Variants in FAM117B observed in about 807,000 individuals in gnomAD.
The protein encoded by FAM117B is family with sequence similarity 117 member B, also known as protein FAM117B.
Under a neutral mutation model 52.8 loss-of-function variants are expected in FAM117B, and 22 were observed. The observed-to-expected ratio is 0.42, with a 90% CI of 0.30 to 0.59. The LOEUF is 0.59. Ranked by LOEUF, FAM117B falls within the 20% of genes least tolerant of loss-of-function variation. FAM117B has a pLI of 0.22. For missense variants in FAM117B, 678 were observed against 802.6 expected, an observed-to-expected ratio of 0.84 and a Z score of 1.88; for synonymous variants, 309 against 324.1, an observed-to-expected ratio of 0.95 and a Z score of 0.50.
At chr2:202,679,374 G>T (rs1690428809) in intron 1 of FAM117B, among the ~76,000 whole-genome samples, 1 of 152,206 alleles carries the variant, frequency 6.6e-6, no homozygotes, top group South Asian at 2.1e-4. Context: ...GCTGGAAAGA[G>T]CTGGACAAAG....
At chr2:202,676,810 G>A (rs1690385373) in intron 1 of FAM117B, among the ~76,000 whole-genome samples, 1 of 152,208 alleles carries the variant, frequency 6.6e-6, no homozygotes, top group Non-Finnish European at 1.5e-5. Context: ...AGAAGCCTTA[G>A]GAGGTTGAAA....
At position 202,724,987 on chromosome 2, in the gene FAM117B, G is replaced by A; in HGVS notation, c.824G>A (p.Gly275Asp). The A allele has an allele frequency of 1.2e-6, 2 of 1,612,698 alleles. No individual in the cohort carries two copies. The highest frequency in any genetic ancestry group is 1.7e-6 in the Non-Finnish European group (2 of 1,179,116). Residue 275 changes from glycine (G) to aspartate (D), a missense_variant, in exon 3 of 8, where the codon GGC becomes GAC. Coordinates refer to ENST00000392238, the MANE Select transcript of FAM117B (RefSeq NM_173511.4). ...TCTCACAAGCGCTCAGCATCTTGGG[G>A]CAGTACAGATCAACTTAAGGAGGTC... ...KGSHKRSASW[G>D]STDQLKEIAK...
chr2:202,702,121 G>A (rs543202105), intron 2 of FAM117B, among the ~76,000 whole-genome samples: 9 of 152,240 alleles, frequency 5.9e-5, no homozygotes, highest in African/African-American at 2.2e-4. Context: ...GCACGGGTGC[G>A]GTGGCTCACA....
intron 1 of FAM117B, among the ~76,000 whole-genome samples, chr2:202,668,685 G>A (rs1289516715): frequency 6.6e-6 from 1 of 151,726 alleles, no homozygotes; most frequent in Non-Finnish European, 1.5e-5. Flanking sequence ...GTGTGGTATA[G>A]GATGGTAGAT....
chr2:202,666,199 G>A (rs1690203121), intron 1 of FAM117B, among the ~76,000 whole-genome samples: 1 of 152,032 alleles, frequency 6.6e-6, no homozygotes, highest in Admixed American at 6.6e-5. Context: ...ATAGTCAAAA[G>A]CAGATTGGGT....
chr2:202,756,724 C>T (rs940444868), intron 5 of FAM117B, among the ~76,000 whole-genome samples: 2 of 152,088 alleles, frequency 1.3e-5, no homozygotes, highest in African/African-American at 2.4e-5. Context: ...AGGCTTTCCT[C>T]TGTGTGTGTA....
At chr2:202,743,482 T>C (rs1691581146) in intron 4 of FAM117B, among the ~76,000 whole-genome samples, 1 of 152,020 alleles carries the variant, frequency 6.6e-6, no homozygotes, top group African/African-American at 2.4e-5. Flanking sequence ...ACAAGAAAAG[T>C]AGAAAAGCAA....
rs1348590503 is a variant in FAM117B at position 202,766,967 on chromosome 2, T to A, written c.*1203T>A. The stretch of plus-strand genomic sequence containing the variant: ...CCTGAGATTTGTTGCCTACAGATTT[T>A]GCTAATTTACCCCCCTAACGCTTCA... On this transcript the variant is annotated 3_prime_UTR_variant, in exon 8 of 8. Coordinates refer to ENST00000392238, the MANE Select transcript of FAM117B (RefSeq NM_173511.4). 1 of 152,586 alleles carries A rather than the reference T, an allele frequency of 6.6e-6. No individual in the cohort carries two copies. Among genetic ancestry groups the A allele is most frequent in the Non-Finnish European group, 1.5e-5 (1 of 68,044 alleles). 9.5% of individuals were successfully genotyped at this position (152,586 alleles called of 1,614,324 possible).
intron 1 of FAM117B, among the ~76,000 whole-genome samples, chr2:202,645,559 G>C (rs1218526694): frequency 1.3e-5 from 2 of 151,714 alleles, no homozygotes; most frequent in Admixed American, 1.3e-4. Flanking sequence ...AAAGTGCTGG[G>C]ATTACAGGCG....
chr2:202,635,911 G>A, intron 1 of FAM117B, 123 bp downstream of exon 1: 1 of 1,083,994 alleles, frequency 9.2e-7, no homozygotes, highest in Non-Finnish European at 1.1e-6. Context: ...GGCGGGGCTG[G>A]GGGCGGTGCC....
At chr2:202,735,708 A>C (rs965229566) in intron 4 of FAM117B, among the ~76,000 whole-genome samples, 1 of 152,228 alleles carries the variant, frequency 6.6e-6, no homozygotes, top group African/African-American at 2.4e-5. Context: ...CAAGAGTGGG[A>C]GATGCCAGCA....
intron 1 of FAM117B, among the ~76,000 whole-genome samples, chr2:202,677,229 G>A (rs368405518): frequency 4.6e-5 from 7 of 151,916 alleles, no homozygotes; most frequent in Admixed American, 1.3e-4. Context: ...CACCATTCCC[G>A]GCTAATTTTT....
intron 1 of FAM117B, among the ~76,000 whole-genome samples, chr2:202,638,740 G>A (rs182013008): frequency 1.1e-3 from 170 of 152,234 alleles, no homozygotes; most frequent in African/African-American, 3.4e-3. Flanking sequence ...AGGCCGAGGC[G>A]GTGGATCACC....
intron 1 of FAM117B, among the ~76,000 whole-genome samples, chr2:202,689,213 G>T (rs1012513237): frequency 6.6e-6 from 1 of 151,834 alleles, no homozygotes; most frequent in Non-Finnish European, 1.5e-5. Context: ...GCTTGAGGTG[G>T]GTGGATCGCT....
At chr2:202,669,742 T>TAAA (rs1472537423) in intron 1 of FAM117B, among the ~76,000 whole-genome samples, 3 of 152,224 alleles carry the variant, frequency 2.0e-5, no homozygotes, top group African/African-American at 7.2e-5. Flanking sequence ...TTTTCCGCCT[T>TAAA]ATCCTTGAGT....
chr2:202,698,712 C>T (rs1249526325), intron 2 of FAM117B, among the ~76,000 whole-genome samples: 6 of 152,158 alleles, frequency 3.9e-5, no homozygotes, highest in Non-Finnish European at 7.3e-5. Context: ...CATGAGCCAC[C>T]GCGCCCAGCC....
chr2:202,641,626 T>C (rs1689770663), intron 1 of FAM117B, among the ~76,000 whole-genome samples: 2 of 146,860 alleles, frequency 1.4e-5, no homozygotes, highest in Admixed American at 1.4e-4. Context: ...ATCTCAATAT[T>C]AGATATTTTA....
chr2:202,764,327 C>G (rs560386985), intron 7 of FAM117B, among the ~76,000 whole-genome samples: 1 of 152,088 alleles, frequency 6.6e-6, no homozygotes, highest in East Asian at 1.9e-4. Flanking sequence ...TGCAGTGGCC[C>G]GATTATGGCT....
chr2:202,739,988 A>G (rs1226524850), intron 4 of FAM117B, among the ~76,000 whole-genome samples: 2 of 151,690 alleles, frequency 1.3e-5, no homozygotes, highest in African/African-American at 4.8e-5. Context: ...CCTGGCTAAC[A>G]TGGTGAAACC....
Sources: allele counts gnomAD v4.1 joint callset (sites outside exome capture counted in the v4.1 genomes callset), GRCh38; gene constraint gnomAD v4.1.1; transcripts MANE v1.5; gene names NCBI Gene and HGNC (gene_info 2026-07-23, HGNC 2026-07-21).